Variants in FRMD4A observed in about 807,000 individuals in gnomAD.
FRMD4A encodes FERM domain-containing protein 4A.
In FRMD4A, 29 loss-of-function variants were observed where a neutral mutation model predicts 129.1. The observed-to-expected ratio is 0.22, with a 90% CI of 0.17 to 0.31. The LOEUF (loss-of-function observed/expected upper bound fraction) is 0.31. Among genes scored for constraint, FRMD4A ranks in the 10% least tolerant of loss-of-function variants. The pLI, the probability that FRMD4A is intolerant of heterozygous loss-of-function variation, is 1.00. For missense variants in FRMD4A, 1,272 were observed against 1,375.8 expected, an observed-to-expected ratio of 0.92 and a Z score of 1.19; for synonymous variants, 634 against 571.6, an observed-to-expected ratio of 1.11 and a Z score of -1.56.
chr10:14,057,447 A>G (rs1187993219), intron 2 of FRMD4A, among the ~76,000 whole-genome samples: 1 of 152,232 alleles, frequency 6.6e-6, no homozygotes, highest in African/African-American at 2.4e-5. Flanking sequence ...CTATTTTGTT[A>G]CTGCTTCAAT....
chr10:14,229,077 G>GT (rs1333203336), intron 2 of FRMD4A, among the ~76,000 whole-genome samples: 13 of 150,726 alleles, frequency 8.6e-5, no homozygotes, highest in South Asian at 2.1e-4. Context: ...TTGGAGAAAT[G>GT]TTTTTTCTTG....
At chr10:13,960,319 T>G (rs1411420226) in intron 2 of FRMD4A, among the ~76,000 whole-genome samples, 1 of 152,234 alleles carries the variant, frequency 6.6e-6, no homozygotes, top group Non-Finnish European at 1.5e-5. Context: ...AACAGACGCT[T>G]TAATTTTTTG....
chr10:13,720,582 A>G (rs2134973113), intron 12 of FRMD4A, among the ~76,000 whole-genome samples: 1 of 152,314 alleles, frequency 6.6e-6, no homozygotes, highest in East Asian at 1.9e-4. Context: ...GCAAATAAAT[A>G]AGAAATAAAT....
chr10:14,109,321 A>T (rs549436533), intron 2 of FRMD4A, among the ~76,000 whole-genome samples: 1 of 152,166 alleles, frequency 6.6e-6, no homozygotes, highest in Non-Finnish European at 1.5e-5. Flanking sequence ...TTCCATAGTC[A>T]GTTCCTTAGT....
intron 2 of FRMD4A, among the ~76,000 whole-genome samples, chr10:14,196,105 C>T (rs1438073599): frequency 1.3e-5 from 2 of 152,084 alleles, no homozygotes; most frequent in Non-Finnish European, 2.9e-5. Flanking sequence ...AAAACCCTTC[C>T]AGCTTGACCA....
At chr10:13,781,654 A>G (rs73595118) in intron 6 of FRMD4A, among the ~76,000 whole-genome samples, 13,500 of 152,158 alleles carry the variant, frequency 0.089, 1,442 homozygotes, top group African/African-American at 0.25. Context: ...CTGGGATTAC[A>G]GGCATGAGCC....
chr10:14,177,545 C>T lies in FRMD4A; in HGVS notation c.45+152513G>A, dbSNP rs539716441. On this transcript the variant is annotated intron_variant, in intron 2 of 24. Coordinates refer to ENST00000357447, the MANE Select transcript of FRMD4A (RefSeq NM_018027.5). ...ATATATCTCTGGTACAATTGATTAC[C>T]TGCCCCGCTGCCTCCTGGCCCTCTG... Among the ~76,000 whole-genome samples the T allele has an allele frequency of 8.4e-4, 128 of 152,254 alleles. 1 individual carries two copies. Among genetic ancestry groups the T allele is most frequent in the Admixed American group, 3.1e-3 (48 of 15,292 alleles).
chr10:13,959,510 A>AT (rs71388141), intron 2 of FRMD4A, among the ~76,000 whole-genome samples: 25,769 of 89,644 alleles, frequency 0.29, 4,517 homozygotes, highest in Non-Finnish European at 0.35. Context: ...GCTGTGAGTG[A>AT]TTTTTTTTTT....
At chr10:14,153,546 G>A (rs1298578717) in intron 2 of FRMD4A, among the ~76,000 whole-genome samples, 12 of 152,200 alleles carry the variant, frequency 7.9e-5, no homozygotes, top group Admixed American at 7.8e-4. Context: ...CTTTCCTGCT[G>A]TAAGATGAGG....
intron 2 of FRMD4A, among the ~76,000 whole-genome samples, chr10:14,294,725 G>A (rs889136757): frequency 2.6e-5 from 4 of 152,278 alleles, no homozygotes; most frequent in East Asian, 1.9e-4. Context: ...GCCTAAATCC[G>A]CTCAGCAAGA....
chr10:13,691,565 T>C (rs1387899070), intron 15 of FRMD4A, among the ~76,000 whole-genome samples: 2 of 152,168 alleles, frequency 1.3e-5, no homozygotes, highest in Non-Finnish European at 2.9e-5. Context: ...ACCAGCAGCA[T>C]CAGCCTCACT....
In FRMD4A at chr10:13,728,573, CTTT is replaced by C. The variant is rs10706168; in HGVS notation, c.759+9268_759+9270del. On this transcript the variant is annotated intron_variant, in intron 12 of 24. Transcript: ENST00000357447. Reference sequence around the variant, plus strand: ...TCAGTGCTTTCAGGTGATTACCATTCTTTTTTTTTTTTTTTTTGAGATGGAGTC... The same window carrying C: ...TCAGTGCTTTCAGGTGATTACCATTCTTTTTTTTTTTTTTGAGATGGAGTC... 1.2e-3 allele frequency among the ~76,000 whole-genome samples: 97 copies of C among 78,346 alleles called. 5 individuals carry two copies. Among genetic ancestry groups the C allele is most frequent in the Non-Finnish European group, 1.9e-3 (80 of 42,026 alleles). 51.4% of individuals were successfully genotyped at this position (78,346 alleles called of 152,430 possible).
At chr10:13,964,180 T>C (rs1327360408) in intron 2 of FRMD4A, among the ~76,000 whole-genome samples, 1 of 149,246 alleles carries the variant, frequency 6.7e-6, no homozygotes, top group Non-Finnish European at 1.5e-5. Context: ...ATGACTCTGA[T>C]GACGGACGCG....
intron 2 of FRMD4A, among the ~76,000 whole-genome samples, chr10:13,895,510 C>G (rs2094747656): frequency 6.6e-6 from 1 of 152,158 alleles, no homozygotes; most frequent in African/African-American, 2.4e-5. Flanking sequence ...GGCACAAGAT[C>G]TCTTTACCCC....
At chr10:14,001,754 G>A (rs1041768331) in intron 2 of FRMD4A, among the ~76,000 whole-genome samples, 8 of 152,158 alleles carry the variant, frequency 5.3e-5, no homozygotes, top group African/African-American at 1.7e-4. Context: ...CCAGAGAGGC[G>A]TATATTTATA....
intron 2 of FRMD4A, among the ~76,000 whole-genome samples, chr10:13,972,601 T>C (rs2095524886): frequency 6.6e-6 from 1 of 152,240 alleles, no homozygotes; most frequent in Middle Eastern, 3.4e-3. Flanking sequence ...TTAATGCATG[T>C]TGGGTAAGCT....
At chr10:14,059,318 C>G (rs1247682417) in intron 2 of FRMD4A, among the ~76,000 whole-genome samples, 1 of 152,148 alleles carries the variant, frequency 6.6e-6, no homozygotes, top group Non-Finnish European at 1.5e-5. Context: ...CAATACAATT[C>G]CTGTATTGAA....
chr10:14,245,291 G>A (rs1484588220), intron 2 of FRMD4A, among the ~76,000 whole-genome samples: 1 of 152,202 alleles, frequency 6.6e-6, no homozygotes, highest in Non-Finnish European at 1.5e-5. Context: ...TCGTTGGTGA[G>A]GTATCAGCTC....
At chr10:14,169,131 A>G (rs1385919971) in intron 2 of FRMD4A, among the ~76,000 whole-genome samples, 1 of 105,702 alleles carries the variant, frequency 9.5e-6, no homozygotes, top group Admixed American at 9.8e-5. Context: ...ACATAAAAAT[A>G]TACAATGTCT....
Sources: gnomAD v4.1 joint callset for allele counts (sites outside exome capture counted in the v4.1 genomes callset) on GRCh38, gnomAD v4.1.1 for gene constraint, MANE v1.5 for transcripts, NCBI Gene and HGNC (gene_info 2026-07-23, HGNC 2026-07-21) for gene names.